CIROP: variants seen among roughly 807,000 people sequenced by gnomAD.
CIROP encodes leishmanolysin homolog.
At chr14:23,103,010 T>C in the CIROP span, 2 of 573,930 alleles carry the variant, frequency 3.5e-6, no homozygotes, top group Non-Finnish European at 6.2e-6. Context: ...GCCTGTCTTC[T>C]GAGTCCAGCT....
chr14:23,101,099 A>T, the CIROP span: 1 of 400,738 alleles, frequency 2.5e-6, no homozygotes, highest in Non-Finnish European at 4.4e-6. Flanking sequence ...AATAGGTAGC[A>T]GGATATGGTT....
chr14:23,104,127 C>T, the CIROP span: 1,096 of 591,782 alleles, frequency 1.9e-3, 9 homozygotes, highest in African/African-American at 0.013. Context: ...TCCTGTCTTC[C>T]GTCCCCTTCT....
chr14:23,102,863 G>A, the CIROP span: 1 of 622,568 alleles, frequency 1.6e-6, no homozygotes, highest in Non-Finnish European at 2.9e-6. Flanking sequence ...ATGGGAAACT[G>A]AGTAACCTGG....
the CIROP span, chr14:23,102,847 G>T: frequency 1.6e-6 from 1 of 630,234 alleles, no homozygotes; most frequent in South Asian, 1.8e-5. Context: ...TGGGTTCTTT[G>T]ACTTAATGGG....
At chr14:23,099,564 T>TTC in the CIROP span, 1 of 405,374 alleles carries the variant, frequency 2.5e-6, no homozygotes, top group East Asian at 3.6e-5. Flanking sequence ...TACCTTTTTT[T>TTC]TTTTTTTTTT....
At chr14:23,102,052 G>A in the CIROP span, 1 of 701,750 alleles carries the variant, frequency 1.4e-6, no homozygotes, top group Non-Finnish European at 2.6e-6. Flanking sequence ...AGCTGACTTG[G>A]GTCATGAGTG....
At chr14:23,104,894 CA>C in the CIROP span, 1 of 607,206 alleles carries the variant, frequency 1.6e-6, no homozygotes, top group Non-Finnish European at 2.9e-6. Flanking sequence ...GCGGCAGCAG[CA>C]GCAGCAGCAG....
At chr14:23,099,878 G>T in the CIROP span, 1 of 170,436 alleles carries the variant, frequency 5.9e-6, no homozygotes. Context: ...ATTATTGGAA[G>T]AAGACCTAAC....
At chr14:23,102,076 C>G in the CIROP span, 1 of 702,700 alleles carries the variant, frequency 1.4e-6, no homozygotes, top group Non-Finnish European at 2.6e-6. Flanking sequence ...CTCTGCAGGT[C>G]TCCCTTATTC....
chr14:23,102,842 T>C, the CIROP span: 2 of 635,792 alleles, frequency 3.1e-6, no homozygotes, highest in South Asian at 3.6e-5. Flanking sequence ...CTCTGTGGGT[T>C]CTTTGACTTA....
the CIROP span, chr14:23,104,343 C>T: frequency 3.9e-5 from 27 of 700,124 alleles, no homozygotes; most frequent in East Asian, 7.3e-4. Flanking sequence ...TCTAGGTATC[C>T]CTGAAAAAGA....
chr14:23,099,661 G>A, the CIROP span: 3 of 370,716 alleles, frequency 8.1e-6, no homozygotes, highest in African/African-American at 6.4e-5. Context: ...CCAGGCTCAA[G>A]CAATTCTCCT....
the CIROP span, chr14:23,104,337 G>T: frequency 1.4e-6 from 1 of 699,118 alleles, no homozygotes; most frequent in East Asian, 2.7e-5. Flanking sequence ...GACATTTCTA[G>T]GTATCCCTGA....
At chr14:23,102,365 C>G in the CIROP span, 1 of 702,498 alleles carries the variant, frequency 1.4e-6, no homozygotes. Flanking sequence ...AGGGAACACC[C>G]AGGGAAGCCC....
At chr14:23,102,526 A>C in the CIROP span, 5 of 698,806 alleles carry the variant, frequency 7.2e-6, no homozygotes, top group Non-Finnish European at 1.3e-5. Context: ...AGGAGAGGAA[A>C]ACTTAGGAAG....
At chr14:23,102,994 C>T in the CIROP span, 8 of 573,876 alleles carry the variant, frequency 1.4e-5, no homozygotes, top group South Asian at 2.4e-5. Context: ...ATGGTACCAG[C>T]GAGGGGCCTG....
At chr14:23,102,688 G>A in the CIROP span, 1 of 702,936 alleles carries the variant, frequency 1.4e-6, no homozygotes, top group East Asian at 2.7e-5. Context: ...GAAACCCAAG[G>A]CATGGAGCAA....
chr14:23,104,860 T>C, the CIROP span: 1 of 700,022 alleles, frequency 1.4e-6, no homozygotes, highest in East Asian at 2.7e-5. Flanking sequence ...AGACATCGGC[T>C]TGCAGCAACC....
At chr14:23,104,334 C>G in the CIROP span, 2 of 698,960 alleles carry the variant, frequency 2.9e-6, no homozygotes, top group Admixed American at 4.0e-5. Flanking sequence ...GAGGACATTT[C>G]TAGGTATCCC....
Sources: gnomAD v4.1 joint callset for allele counts on GRCh38, gnomAD v4.1.1 for gene constraint, MANE v1.5 for transcripts, NCBI Gene and HGNC (gene_info 2026-07-23, HGNC 2026-07-21) for gene names.